Variants in CYBB observed in about 807,000 individuals in gnomAD.
CYBB encodes the protein cytochrome b-245 beta chain.
A neutral mutation model predicts 46.5 loss-of-function variants in CYBB; 5 were observed. The ratio of observed to expected loss-of-function variants is 0.11; its 90% confidence interval spans 0.06 to 0.23. CYBB has a LOEUF of 0.23. CYBB is among the 10% of genes least tolerant of loss of function. The pLI is 1.00. For synonymous variants in CYBB, 183 were observed against 156.7 expected (o/e 1.17, Z -1.26); for missense variants, 307 against 428.3 (o/e 0.72, Z 2.50).
chrX:37,801,308 T>C lies in CYBB; in HGVS notation c.857T>C (p.Val286Ala). 2 of 1,209,338 alleles carry C rather than the reference T, an allele frequency of 1.7e-6. No homozygotes were observed. The highest frequency in any genetic ancestry group is 2.2e-6 in the Non-Finnish European group (2 of 893,623). The change falls in exon 8 of 13, where the codon GTG (valine) becomes GCG (alanine). Residue 286 changes from valine to alanine, a missense_variant. Transcript: ENST00000378588. ...PMFLYLCERL[V>A]RFWRSQQKVV... ...TTTCTGTATCTCTGTGAGAGGTTGG[T>C]GCGGTTTTGGCGATCTCAACAGAAG...
At chrX:37,796,482 TAAAC>T (rs35574346) in intron 6 of CYBB, among the ~76,000 whole-genome samples, 17,944 of 110,884 alleles carry the variant, frequency 0.16, 1,048 homozygotes, top group South Asian at 0.19. Context: ...ACTAGTAAAT[TAAAC>T]AAACCTCCAG....
rs1055191744 is a variant in CYBB at position 37,811,621 on chromosome X, G to A, written c.*704G>A. 1.8e-5 allele frequency: 2 copies of A among 111,906 alleles called. No individual in the cohort carries two copies. Among genetic ancestry groups the A allele is most frequent in the Non-Finnish European group, 3.8e-5 (2 of 53,151 alleles). 9.2% of individuals were successfully genotyped at this position (111,906 alleles called of 1,213,427 possible). On this transcript the variant is annotated 3_prime_UTR_variant, in exon 13 of 13. Coordinates refer to ENST00000378588, the MANE Select transcript of CYBB (RefSeq NM_000397.4). ...TTACCACTGTGCTTGGCAGAGAGCGGATACTCAAGTAAGTTTTGTTAAATG... is the reference window on the plus strand; with the variant it reads ...TTACCACTGTGCTTGGCAGAGAGCGAATACTCAAGTAAGTTTTGTTAAATG...
At position 37,805,063 on chromosome X, in the gene CYBB, G is replaced by T. The variant is rs1929530174; in HGVS notation, c.1209G>T (p.Val403=). Residue 403 remains valine, a synonymous_variant, in exon 10 of 13, where the codon GTG becomes GTT. Coordinates refer to ENST00000378588, the MANE Select transcript of CYBB (RefSeq NM_000397.4). ...GTGAAGATGTGTTCAGCTATGAGGTGGTGATGTTAGTGGGAGCAGGGATTG... is the reference window on the plus strand; with the variant it reads ...GTGAAGATGTGTTCAGCTATGAGGTTGTGATGTTAGTGGGAGCAGGGATTG... The part of the protein sequence containing the change: ...TASEDVFSYE[V]VMLVGAGIGV... 1 of 1,209,941 alleles carries T rather than the reference G, an allele frequency of 8.3e-7. No individual in the cohort carries two copies. Among genetic ancestry groups the T allele is most frequent in the African/African-American group, 1.7e-5 (1 of 57,344 alleles).
At chrX:37,807,835 T>C (rs1929594176) in intron 11 of CYBB, among the ~76,000 whole-genome samples, 1 of 110,916 alleles carries the variant, frequency 9.0e-6, no homozygotes, top group Non-Finnish European at 1.9e-5. Flanking sequence ...TTTGCTCTGC[T>C]CCTCCCCAAG....
At chrX:37,780,751 G>GTCTA (rs145351235) in intron 1 of CYBB, among the ~76,000 whole-genome samples, 18,597 of 108,770 alleles carry the variant, frequency 0.17, 1,202 homozygotes, top group African/African-American at 0.21. Flanking sequence ...AATCAATATA[G>GTCTA]TCTGGAGAAA....
chrX:37,786,282 A>G (rs1308361107), intron 3 of CYBB, among the ~76,000 whole-genome samples: 3 of 111,809 alleles, frequency 2.7e-5, no homozygotes, highest in East Asian at 2.8e-4. Context: ...ACAAAATTAA[A>G]TGGAAGTGTT....
intron 7 of CYBB, 42 bp downstream of exon 7, chrX:37,799,126 C>T (rs1462232130): frequency 6.1e-6 from 7 of 1,142,940 alleles, no homozygotes; most frequent in Non-Finnish European, 8.4e-6. Context: ...TCATTACTGA[C>T]AATCTTTAAC....
rs912169098 is a variant in CYBB, at chrX:37,811,141, T to C, written c.*224T>C. 6.1e-5 allele frequency: 20 copies of C among 326,434 alleles called. No individual in the cohort carries two copies. Among genetic ancestry groups the C allele is most frequent in the Non-Finnish European group, 9.8e-5 (18 of 184,397 alleles). The allele number at this position is 326,434 out of a possible 1,213,427, so 26.9% of individuals were successfully genotyped here. A position where few individuals can be genotyped will look rare whatever the true frequency, so the allele number is the denominator to read the frequency against. On this transcript the variant is annotated 3_prime_UTR_variant, in exon 13 of 13. Transcript: ENST00000378588. ...TTTTACAAACATTATTTCATTTTTT[T>C]CCTCTCAGTAATGTCAGTGGAAGTT...
intron 6 of CYBB, among the ~76,000 whole-genome samples, chrX:37,797,953 G>A (rs782186338): frequency 1.8e-5 from 2 of 111,866 alleles, no homozygotes; most frequent in South Asian, 3.7e-4. Context: ...CTTGTCATGA[G>A]GATTAACTGA....
rs1276932363 is a variant in CYBB at position 37,808,965 on chromosome X, A to G, written c.1462-602A>G. ...AAAATAAATTTAATTAACCACTTTT[A>G]TGAAAAATACCTGTTGCTCAAACTG... is the stretch of plus-strand genomic sequence containing the variant. On this transcript the variant is annotated intron_variant, in intron 11 of 12. Transcript: ENST00000378588. Among the ~76,000 whole-genome samples, 8 of 112,313 alleles carry G rather than the reference A, an allele frequency of 7.1e-5. No homozygotes were observed. The Admixed American group carries it at 7.5e-4, about 11-fold the overall frequency.
Position 37,799,094 on chromosome X carries a change from A to G in CYBB, c.804+10A>G, listed in dbSNP as rs1181695259. 8 of 1,199,245 alleles carry G rather than the reference A, an allele frequency of 6.7e-6. No homozygotes were observed. Among genetic ancestry groups the G allele is most frequent in the East Asian group, 3.0e-5 (1 of 33,659 alleles). ...TGGAAACCCTCCTATGGTATGTACA[A>G]TTCATTGTTGTTATTACAGTTTCAT... On this transcript the variant is annotated intron_variant, in intron 7 of 12. Transcript: ENST00000378588.
At chrX:37,804,762 A>G (rs1481240516) in intron 9 of CYBB, among the ~76,000 whole-genome samples, 1 of 110,973 alleles carries the variant, frequency 9.0e-6, no homozygotes, top group Non-Finnish European at 1.9e-5. Context: ...GATTAAAAAA[A>G]AAAAAAACTT....
chrX:37,800,585 A>G (rs963524683), intron 7 of CYBB, among the ~76,000 whole-genome samples: 1 of 111,612 alleles, frequency 9.0e-6, no homozygotes, highest in Non-Finnish European at 1.9e-5. Flanking sequence ...TAGAAGTCCA[A>G]TTGGCTGAGT....
chrX:37,801,260 G>T lies in CYBB; in HGVS notation c.809G>T (p.Trp270Leu). 8.3e-7 allele frequency: 1 copy of T among 1,199,508 alleles called. No homozygotes were observed. The highest frequency in any genetic ancestry group is 1.1e-6 in the Non-Finnish European group (1 of 884,836). Residue 270 changes from tryptophan (W) to leucine (L), a missense_variant, in exon 8 of 13, where the codon TGG becomes TTG. Transcript: ENST00000378588. ...PQFAGNPPMT[W>L]KWIVGPMFLY... ...TCATTTTTGCTCTGATTACAGACTT[G>T]GAAATGGATAGTGGGTCCCATGTTT...
Position 37,799,022 on chromosome X carries a change from A to T in CYBB, c.742A>T (p.Ile248Phe). ...TAATATAACAGTTTGTGAACAAAAA[A>T]TCTCAGAATGGGGAAAAATAAAGGA... is the stretch of plus-strand genomic sequence containing the variant. ...VHNITVCEQK[I>F]SEWGKIKECP... Residue 248 changes from isoleucine (I) to phenylalanine (F), a missense_variant, in exon 7 of 13, where the codon ATC becomes TTC. Coordinates refer to ENST00000378588, the MANE Select transcript of CYBB (RefSeq NM_000397.4). 8.3e-7 allele frequency: 1 copy of T among 1,208,817 alleles called. No individual in the cohort carries two copies.
chrX:37,810,167 G>C (rs1556472861), intron 12 of CYBB, among the ~76,000 whole-genome samples: 1 of 111,877 alleles, frequency 8.9e-6, no homozygotes, highest in Non-Finnish European at 1.9e-5. Context: ...CCTTGAGGGG[G>C]ATCCCTTATC....
At chrX:37,803,456 G>A (rs1929488129) in intron 8 of CYBB, among the ~76,000 whole-genome samples, 1 of 110,975 alleles carries the variant, frequency 9.0e-6, no homozygotes, top group African/African-American at 3.3e-5. Flanking sequence ...GGATTCCCTG[G>A]TAAAGACTGA....
intron 1 of CYBB, among the ~76,000 whole-genome samples, chrX:37,781,671 G>T (rs1165922764): frequency 9.0e-6 from 1 of 111,322 alleles, no homozygotes; most frequent in Non-Finnish European, 1.9e-5. Context: ...AGAGGGAGGT[G>T]ATTAGCACCT....
intron 3 of CYBB, among the ~76,000 whole-genome samples, chrX:37,787,387 A>G (rs1290047896): frequency 8.9e-6 from 1 of 111,911 alleles, no homozygotes; most frequent in Non-Finnish European, 1.9e-5. Context: ...GTAAAGTGTT[A>G]CACCCCATAA....
Sources: gnomAD v4.1 joint callset for allele counts (sites outside exome capture counted in the v4.1 genomes callset) on GRCh38, gnomAD v4.1.1 for gene constraint, MANE v1.5 for transcripts, NCBI Gene and HGNC (gene_info 2026-07-23, HGNC 2026-07-21) for gene names.